SLC1A7: variants seen among roughly 807,000 people sequenced by gnomAD.
SLC1A7 encodes the protein excitatory amino acid transporter 5.
In SLC1A7, 40 loss-of-function variants were observed where a neutral mutation model predicts 47.7. The observed-to-expected ratio is 0.84, with a 90% CI of 0.65 to 1.09. The LOEUF is 1.09. Among genes scored for constraint, SLC1A7 ranks in the 50% least tolerant of loss-of-function variants. The pLI is 0.00. For missense variants in SLC1A7, 746 were observed against 769.5 expected, an observed-to-expected ratio of 0.97 and a Z score of 0.36; for synonymous variants, 323 against 325.6, an observed-to-expected ratio of 0.99 and a Z score of 0.09.
Position 53,088,029 on chromosome 1 carries a change from C to T in SLC1A7, c.1663G>A (p.Glu555Lys), listed in dbSNP as rs17850871. The T allele has an allele frequency of 1.4e-5, 22 of 1,522,462 alleles. No homozygotes were observed. Among genetic ancestry groups the T allele is most frequent in the Admixed American group, 1.9e-5 (1 of 52,178 alleles). 94.3% of individuals were successfully genotyped at this position (1,522,462 alleles called of 1,614,324 possible). A position where few individuals can be genotyped will look rare whatever the true frequency, so the allele number is the denominator to read the frequency against. ...CAGGCTCAGACATTGGTCTCCAGCT[C>T]ACTGATCTGGATGGTGCAGTGGTTC... ...SLNHCTIQIS[E>K]LETNV Residue 555 changes from glutamate to lysine, a missense_variant, in exon 11 of 11, where the codon GAG becomes AAG. Physicochemically the swap from Glu to Lys is moderately conservative, Grantham distance 56. Transcript: ENST00000371494.
intron 5 of SLC1A7, among the ~76,000 whole-genome samples, chr1:53,097,543 C>T (rs1644511705): frequency 6.7e-6 from 1 of 148,530 alleles, no homozygotes; most frequent in Admixed American, 6.7e-5. Flanking sequence ...AATCACAAAA[C>T]CCGCCTTGGT....
At chr1:53,089,016 T>C in intron 9 of SLC1A7, 37 bp from the exon 10 acceptor site, 1 of 1,535,012 alleles carries the variant, frequency 6.5e-7, no homozygotes, top group Non-Finnish European at 9.0e-7. Flanking sequence ...GGTGGGCACT[T>C]GAAGGGGAGC....
At chr1:53,095,415 A>C (rs1644474329) in intron 5 of SLC1A7, among the ~76,000 whole-genome samples, 1 of 151,604 alleles carries the variant, frequency 6.6e-6, no homozygotes, top group Non-Finnish European at 1.5e-5. Flanking sequence ...GCCTTGGTAC[A>C]CTCACACACC....
At chr1:53,135,528 C>A (rs1644983417) in intron 1 of SLC1A7, among the ~76,000 whole-genome samples, 1 of 152,220 alleles carries the variant, frequency 6.6e-6, no homozygotes, top group African/African-American at 2.4e-5. Context: ...CTGGCTCCAG[C>A]CTGTCCACGG....
At chr1:53,131,983 A>C (rs1306374125) in intron 2 of SLC1A7, among the ~76,000 whole-genome samples, 1 of 152,130 alleles carries the variant, frequency 6.6e-6, no homozygotes, top group African/African-American at 2.4e-5. Context: ...AGGAAGAAGA[A>C]GAGATGTAAG....
Position 53,124,329 on chromosome 1 carries a change from G to A in SLC1A7, c.216-9356C>T, listed in dbSNP as rs541854736. On this transcript the variant is annotated intron_variant, in intron 2 of 10. Coordinates refer to ENST00000371494, the MANE Select transcript of SLC1A7 (RefSeq NM_006671.6). ...GACAAACCCACACCCACGCTTGGCT[G>A]TCTTTGCTATGTTGTGGAGCTCACA... Among the ~76,000 whole-genome samples the A allele has an allele frequency of 2.0e-4, 30 of 151,734 alleles. No individual in the cohort carries two copies. The South Asian group carries it at 3.1e-3, about 16-fold the overall frequency.
At chr1:53,136,440 G>T (rs113959354) in intron 1 of SLC1A7, among the ~76,000 whole-genome samples, 1 of 147,358 alleles carries the variant, frequency 6.8e-6, no homozygotes, top group African/African-American at 2.5e-5. Context: ...TGATCCGCCC[G>T]CCTCGGCCTC....
Position 53,103,478 on chromosome 1 carries a change from C to A in SLC1A7, c.565G>T (p.Glu189Ter), listed in dbSNP as rs1644606769. Residue 189 changes from glutamate (E) to a stop codon, truncating the protein, a stop_gained, in exon 5 of 11, where the codon GAG becomes TAG. Coordinates refer to ENST00000371494, the MANE Select transcript of SLC1A7 (RefSeq NM_006671.6). LOFTEE classifies it high-confidence loss of function. ...PRRILIYGVQ[E>*]ENGSHVQNFA... ...TTCTGCACATGGGAGCCATTCTCCT[C>A]CTGGACCCCGTAGATGAGGATCCGC... 5.6e-6 allele frequency: 9 copies of A among 1,613,370 alleles called. No homozygotes were observed. The highest frequency in any genetic ancestry group is 7.6e-6 in the Non-Finnish European group (9 of 1,179,788).
intron 3 of SLC1A7, among the ~76,000 whole-genome samples, chr1:53,110,838 G>A (rs1013355833): frequency 1.3e-5 from 2 of 152,092 alleles, no homozygotes; most frequent in Non-Finnish European, 2.9e-5. Flanking sequence ...CGTGAGCCAA[G>A]GCCCGTCCTA....
chr1:53,124,879 C>T (rs1439519427), intron 2 of SLC1A7, among the ~76,000 whole-genome samples: 3 of 152,140 alleles, frequency 2.0e-5, no homozygotes, highest in Non-Finnish European at 4.4e-5. Context: ...AACAGGATCA[C>T]CAAGGTGAAG....
At position 53,092,736 on chromosome 1, in the gene SLC1A7, C is replaced by T. The variant is rs766203170; in HGVS notation, c.849G>A (p.Met283Ile). The change falls in exon 7 of 11, where the codon ATG (methionine) becomes ATA (isoleucine). Residue 283 changes from methionine to isoleucine, a missense_variant. Physicochemically the swap from Met to Ile is conservative, Grantham distance 10 (BLOSUM62 1). Coordinates refer to ENST00000371494, the MANE Select transcript of SLC1A7 (RefSeq NM_006671.6). ...TCTTGCCGACGGCCCTGGGGTCGTC[C>T]ATCTCCAGGATCTTACCCGCAATGA... is the stretch of plus-strand genomic sequence containing the variant. ...VFLIAGKILE[M>I]DDPRAVGKKL... The T allele has an allele frequency of 6.2e-7, 1 of 1,613,880 alleles. No individual in the cohort carries two copies. The highest frequency in any genetic ancestry group is 2.2e-5 in the East Asian group (1 of 44,896).
intron 1 of SLC1A7, among the ~76,000 whole-genome samples, chr1:53,138,900 T>A (rs563393025): frequency 2.0e-5 from 3 of 152,170 alleles, no homozygotes; most frequent in Admixed American, 2.0e-4. Context: ...ACATCCCCTC[T>A]GTTGTACGGT....
Position 53,092,647 on chromosome 1 carries a change from G to C in SLC1A7, c.938C>G (p.Pro313Arg), listed in dbSNP as rs1331168833. The C allele has an allele frequency of 6.2e-7, 1 of 1,614,198 alleles. No homozygotes were observed. Among genetic ancestry groups the C allele is most frequent in the Non-Finnish European group, 8.5e-7 (1 of 1,180,010 alleles). The change falls in exon 7 of 11, where the codon CCC becomes CGC. Residue 313 changes from proline (P) to arginine (R), a missense_variant. Physicochemically the swap from Pro to Arg is moderately radical, Grantham distance 103. Transcript: ENST00000371494. ...GLVLHGLFIL[P>R]LLYFFITKKN... ...CTTGGTGATGAAGAAGTAGAGCAGG[G>C]GCAGGATAAAGAGCCCGTGGAGCAC...
intron 2 of SLC1A7, among the ~76,000 whole-genome samples, chr1:53,131,019 A>G (rs563962977): frequency 2.8e-4 from 43 of 152,320 alleles, no homozygotes; most frequent in African/African-American, 8.7e-4. Context: ...CTTCATAGGA[A>G]AATGTTAAAG....
rs10465802 is a variant in SLC1A7 at position 53,131,630 on chromosome 1, C to T, written c.215+2720G>A. Among the ~76,000 whole-genome samples the T allele has an allele frequency of 2.7e-3, 409 of 152,384 alleles. 4 individuals carry two copies. The highest frequency in any genetic ancestry group is 9.5e-3 in the African/African-American group (397 of 41,592). ...TCATCTCTGTGTCTGCAGCACCCAG[C>T]ACAGGGCCAAGTGTCCAGAAAGCAC... On this transcript the variant is annotated intron_variant, in intron 2 of 10. Coordinates refer to ENST00000371494, the MANE Select transcript of SLC1A7 (RefSeq NM_006671.6).
Position 53,114,485 on chromosome 1 carries a change from A to C in SLC1A7, c.431+273T>G, listed in dbSNP as rs1288377. ...AATAACAGCCAGCCTCCCACCCTAC[A>C]GGCTGGGCATCAGCAAATGCTCACA... On this transcript the variant is annotated intron_variant, in intron 3 of 10. Coordinates refer to ENST00000371494, the MANE Select transcript of SLC1A7 (RefSeq NM_006671.6). The C allele has an allele frequency of 0.97, 456,359 of 468,742 alleles. 222,515 individuals are homozygous for C. The highest frequency in any genetic ancestry group is 1 in the Non-Finnish European group (260,447 of 261,570). 29.0% of individuals were successfully genotyped at this position (468,742 alleles called of 1,614,324 possible). A position where few individuals can be genotyped will look rare whatever the true frequency, so the allele number is the denominator to read the frequency against.
intron 5 of SLC1A7, among the ~76,000 whole-genome samples, chr1:53,097,794 C>T (rs369973211): frequency 5.2e-4 from 77 of 148,544 alleles, no homozygotes; most frequent in African/African-American, 1.2e-3. Flanking sequence ...TCACACACAC[C>T]GCCTCAGTAC....
chr1:53,115,246 G>T, intron 2 of SLC1A7: 1 of 549,630 alleles, frequency 1.8e-6, no homozygotes, highest in African/African-American at 1.9e-5. Context: ...TGGGATGGTG[G>T]GGACACTGTT....
chr1:53,126,587 G>T (rs1416385969), intron 2 of SLC1A7, among the ~76,000 whole-genome samples: 1 of 152,162 alleles, frequency 6.6e-6, no homozygotes, highest in East Asian at 1.9e-4. Flanking sequence ...GACTGTCCTT[G>T]CTGGCAAGTG....
Sources: gnomAD v4.1 joint callset for allele counts (sites outside exome capture counted in the v4.1 genomes callset) on GRCh38, gnomAD v4.1.1 for gene constraint, MANE v1.5 for transcripts, NCBI Gene and HGNC (gene_info 2026-07-23, HGNC 2026-07-21) for gene names.